Variants in PCGF3 observed in about 807,000 individuals in gnomAD.
PCGF3 encodes polycomb group ring finger 3.
A neutral mutation model predicts 33.1 loss-of-function variants in PCGF3; 7 were observed. The ratio of observed to expected loss-of-function variants is 0.21; its 90% CI spans 0.12 to 0.40. The LOEUF is 0.40. Ranked by LOEUF, PCGF3 falls within the 10% of genes least tolerant of loss-of-function variation. The probability of loss-of-function intolerance (pLI) is 1.00; values close to 1 mark genes in which losing one functional copy is unlikely to be tolerated. For synonymous variants in PCGF3, 153 were observed against 121.3 expected (o/e 1.26, Z -1.72); for missense variants, 211 against 313.3 (o/e 0.67, Z 2.46).
intron 6 of PCGF3, among the ~76,000 whole-genome samples, chr4:739,890 G>A (rs1475602361): frequency 3.3e-5 from 5 of 152,184 alleles, no homozygotes; most frequent in African/African-American, 1.2e-4. Flanking sequence ...CCCAGGGCAC[G>A]GTGGCCCCGA....
intron 4 of PCGF3, chr4:734,074 A>T: frequency 6.4e-7 from 1 of 1,550,744 alleles, no homozygotes; most frequent in Non-Finnish European, 8.7e-7. Flanking sequence ...CCGCTGTGAC[A>T]GTGCTCACTG....
intron 8 of PCGF3, among the ~76,000 whole-genome samples, chr4:754,002 G>A (rs571289105): frequency 6.6e-6 from 1 of 152,296 alleles, no homozygotes; most frequent in Non-Finnish European, 1.5e-5. Context: ...GGCGTTCTGG[G>A]TCCTGGCAGG....
At chr4:707,026 G>C (rs1015073183) in intron 1 of PCGF3, among the ~76,000 whole-genome samples, 5 of 152,118 alleles carry the variant, frequency 3.3e-5, no homozygotes, top group Admixed American at 2.6e-4. Flanking sequence ...GCAGGACCCC[G>C]GGAGGGCTGG....
chr4:764,054 G>A (rs1481571286), intron 9 of PCGF3, among the ~76,000 whole-genome samples: 2 of 152,180 alleles, frequency 1.3e-5, no homozygotes, highest in Non-Finnish European at 2.9e-5. Context: ...GGTAGTAGGA[G>A]TGGGCGGGCA....
At chr4:763,117 A>G (rs989709281) in intron 9 of PCGF3, among the ~76,000 whole-genome samples, 1 of 152,018 alleles carries the variant, frequency 6.6e-6, no homozygotes, top group Non-Finnish European at 1.5e-5. Flanking sequence ...CCTGGAGATC[A>G]TGGAGAAACC....
At chr4:751,179 C>T (rs1414509030) in intron 8 of PCGF3, among the ~76,000 whole-genome samples, 1 of 151,974 alleles carries the variant, frequency 6.6e-6, no homozygotes, top group Non-Finnish European at 1.5e-5. Context: ...ATTCCGTGTC[C>T]GTTTGTGGGA....
At chr4:743,771 G>C in intron 7 of PCGF3, 187 bp downstream of exon 7, 1 of 525,524 alleles carries the variant, frequency 1.9e-6, no homozygotes. Context: ...TGGGAACGTG[G>C]GCAGAGGGGA....
At chr4:711,443 C>CTTTTTTTTTT (rs201359627) in intron 1 of PCGF3, among the ~76,000 whole-genome samples, 6 of 122,944 alleles carry the variant, frequency 4.9e-5, no homozygotes, top group East Asian at 2.5e-4. Context: ...TGTAATTTTT[C>CTTTTTTTTTT]TTTTTTTTTT....
chr4:769,353 C>G (rs1255173448), exon 11 of PCGF3: 1 of 152,660 alleles, frequency 6.6e-6, no homozygotes, highest in Non-Finnish European at 1.5e-5. Flanking sequence ...AACCTAGTCC[C>G]ACGTTGTACG....
intron 1 of PCGF3, among the ~76,000 whole-genome samples, chr4:711,679 G>A (rs1374569930): frequency 4.0e-5 from 6 of 150,848 alleles, no homozygotes; most frequent in South Asian, 2.1e-4. Context: ...GGATGGTCTC[G>A]ATCTCCTGAC....
chr4:763,535 G>A (rs975356157), intron 9 of PCGF3, among the ~76,000 whole-genome samples: 11 of 152,216 alleles, frequency 7.2e-5, no homozygotes, highest in Admixed American at 2.0e-4. Context: ...GTGGCACCAC[G>A]CGTACCCCAT....
chr4:707,221 G>C lies in PCGF3; in HGVS notation c.-190+1251G>C, dbSNP rs1028830300. On this transcript the variant is annotated intron_variant, in intron 1 of 10. Coordinates refer to ENST00000362003, the Ensembl canonical transcript of PCGF3. Reference sequence around the variant, plus strand: ...GACCTGGCCACCTGGCAGGGCCCGGGGGGGCTAGGACCCTGGGAAGAATCA... The same window carrying C: ...GACCTGGCCACCTGGCAGGGCCCGGCGGGGCTAGGACCCTGGGAAGAATCA... Among the ~76,000 whole-genome samples, 16 of 151,998 alleles carry C rather than the reference G, an allele frequency of 1.1e-4. No homozygotes were observed. The East Asian group carries it at 2.3e-3, about 22-fold the overall frequency.
At chr4:707,555 GTCGGGAC>G (rs1442059960) in intron 1 of PCGF3, among the ~76,000 whole-genome samples, 1 of 117,744 alleles carries the variant, frequency 8.5e-6, no homozygotes, top group African/African-American at 2.9e-5. Flanking sequence ...TCCCCTGGGG[GTCGGGAC>G]CCTGGGACAG....
At chr4:724,659 T>C (rs1158086977) in intron 1 of PCGF3, among the ~76,000 whole-genome samples, 1 of 152,156 alleles carries the variant, frequency 6.6e-6, no homozygotes, top group Non-Finnish European at 1.5e-5. Flanking sequence ...CCCCCGTCTC[T>C]ACTAAAAATA....
chr4:719,891 C>T (rs1317377778), intron 1 of PCGF3, among the ~76,000 whole-genome samples: 1 of 152,044 alleles, frequency 6.6e-6, no homozygotes, highest in Non-Finnish European at 1.5e-5. Context: ...GCGTCGGGGC[C>T]GCATTATAGA....
exon 11 of PCGF3, chr4:766,144 TAAGAAC>T: frequency 7.4e-7 from 1 of 1,349,766 alleles, no homozygotes; most frequent in Non-Finnish European, 1.1e-6. Context: ...CCGCCGCGCT[TAAGAAC>T]ATTGCCTCTG....
At chr4:743,706 C>T (rs1040828931) in intron 7 of PCGF3, 122 bp downstream of exon 7, 24 of 640,866 alleles carry the variant, frequency 3.7e-5, no homozygotes, top group Non-Finnish European at 6.2e-5. Context: ...GTGGGGGAAC[C>T]TGAGGGTGTG....
chr4:762,174 G>C (rs1307598805), intron 9 of PCGF3: 1 of 764,084 alleles, frequency 1.3e-6, no homozygotes, highest in African/African-American at 1.9e-5. Context: ...ATCTTGTTTG[G>C]AAAAGGATCT....
rs78798558 is a variant in PCGF3, at chr4:763,588, C to T, written c.601-1396C>T. On this transcript the variant is annotated intron_variant, in intron 9 of 10. Transcript: ENST00000362003. ...AAGCACTGACAACACATTCGGGAAA[C>T]GCCGGGAGCGCAGGTTCATTCCTGT... 3.8e-4 allele frequency among the ~76,000 whole-genome samples: 58 copies of T among 152,320 alleles called. No individual in the cohort carries two copies. The East Asian group carries it at 5.8e-3, about 15-fold the overall frequency.
Sources: allele counts gnomAD v4.1 joint callset (sites outside exome capture counted in the v4.1 genomes callset), GRCh38; gene constraint gnomAD v4.1.1; transcripts MANE v1.5; gene names NCBI Gene and HGNC (gene_info 2026-07-23, HGNC 2026-07-21).